Variants in ABCA7 observed in about 807,000 individuals in gnomAD.
The protein encoded by ABCA7 is phospholipid-transporting ATPase ABCA7.
A neutral mutation model predicts 227.6 loss-of-function variants in ABCA7; 261 were observed. That is an observed-to-expected ratio of 1.15 (90% confidence interval 1.04 to 1.27). The LOEUF is 1.27. Among genes scored for constraint, ABCA7 ranks in the 50% most tolerant of loss-of-function variants. ABCA7 has a pLI of 0.00. For synonymous variants in ABCA7, 1,488 were observed against 1,279.7 expected (o/e 1.16, Z -3.47); for missense variants, 3,331 against 2,924.5 (o/e 1.14, Z -3.21).
rs201846665 is a variant in ABCA7, at chr19:1,063,523, T to C, written c.5713-21T>C. 5.7e-5 allele frequency: 91 copies of C among 1,608,304 alleles called. No homozygotes were observed. The East Asian group carries it at 1.6e-3, about 28-fold the overall frequency. On this transcript the variant is annotated intron_variant, in intron 42 of 46. Transcript: ENST00000263094. ...ACTCATCAATATGAGTCCCCATGCC[T>C]ACTCTGGCCCCACCCCACAGACCGC...
intron 7 of ABCA7, 25 bp from the exon 8 acceptor site, chr19:1,043,016 G>T (rs1323027660): frequency 6.3e-7 from 1 of 1,577,532 alleles, no homozygotes; most frequent in Admixed American, 1.7e-5. Context: ...ATCATTGCCA[G>T]CTCCGTCTGG....
rs1466916384 is a variant in ABCA7, at chr19:1,047,580, A to G, written c.2195A>G (p.Gln732Arg). The G allele has an allele frequency of 6.2e-7, 1 of 1,603,322 alleles. No individual in the cohort carries two copies. Among genetic ancestry groups the G allele is most frequent in the African/African-American group, 1.3e-5 (1 of 74,894 alleles). Residue 732 changes from glutamine (Q) to arginine (R), a missense_variant, in exon 16 of 47, where the codon CAG (glutamine) becomes CGG (arginine). Transcript: ENST00000263094. ...RPTADVFSLA[Q>R]VSGLLLLDAA... ...ACGGCAGACGTCTTCAGCCTGGCCC[A>G]GGTCTCTGGCCTTCTGCTGCTGGAC...
intron 18 of ABCA7, among the ~76,000 whole-genome samples, chr19:1,050,577 C>T (rs572133650): frequency 2.2e-4 from 34 of 151,710 alleles, no homozygotes; most frequent in Admixed American, 2.2e-3. Context: ...TGAGATCATC[C>T]TGGCTAACAT....
At chr19:1,048,496 C>CAAAAAAAAAG (rs2040956491) in intron 16 of ABCA7, among the ~76,000 whole-genome samples, 1 of 21,628 alleles carries the variant, frequency 4.6e-5, no homozygotes, top group African/African-American at 1.9e-4. Flanking sequence ...AACTCAGTCT[C>CAAAAAAAAAG]AAAAAAAAAA....
intron 42 of ABCA7, among the ~76,000 whole-genome samples, chr19:1,062,528 A>C (rs1258558401): frequency 6.6e-6 from 1 of 151,578 alleles, no homozygotes; most frequent in Non-Finnish European, 1.5e-5. Context: ...ACCAAGTTCC[A>C]CCATTCTCAT....
At position 1,054,015 on chromosome 19, in the gene ABCA7, G is replaced by T. The variant is rs760346081; in HGVS notation, c.3482G>T (p.Cys1161Phe). Residue 1161 changes from cysteine (C) to phenylalanine (F), a missense_variant, in exon 26 of 47, where the codon TGC becomes TTC. By Grantham distance (205) the Cys-to-Phe change is radical (BLOSUM62 -2). Coordinates refer to ENST00000263094, the MANE Select transcript of ABCA7 (RefSeq NM_019112.4). This position sits in a 1 kb window ranked among gnomAD's most constrained non-coding sequence, Gnocchi z 4.8. ...CCTGATGGCCCTGCAGATGGCAGCT[G>T]CGGGCAGCACCTATGCACAGGCATT... ...AADTDMEDGS[C>F]GQHLCTGIAG... 2.5e-6 allele frequency: 4 copies of T among 1,613,138 alleles called. No individual in the cohort carries two copies. Among genetic ancestry groups the T allele is most frequent in the Non-Finnish European group, 8.5e-7 (1 of 1,179,906 alleles).
Position 1,046,811 on chromosome 19 carries a change from T to A in ABCA7, c.1632T>A (p.Arg544=). ...GCCGTCCCCACCCCAGGTTCCTGCG[T>A]GTGCTGAGCCGGTCGCTGCCGCTCT... is the stretch of plus-strand genomic sequence containing the variant. The part of the protein sequence containing the change: ...YPCYVDDVFL[R]VLSRSLPLFL... Residue 544 remains arginine, a synonymous_variant, in exon 14 of 47, where the codon CGT becomes CGA. Transcript: ENST00000263094. 6.5e-7 allele frequency: 1 copy of A among 1,537,760 alleles called. No homozygotes were observed.
At position 1,051,524 on chromosome 19, in the gene ABCA7, C is replaced by CGGCT; in HGVS notation, c.2904_2907dup (p.Val970TrpfsTer32). On this transcript the variant is annotated frameshift_variant, in exon 21 of 47. Coordinates refer to ENST00000263094, the MANE Select transcript of ABCA7 (RefSeq NM_019112.4). LOFTEE classifies it high-confidence loss of function. ...CAAGTTGTTATCCTGGACGAGCCTA[C>CGGCT]GGCTGGCGTGGATCCTGCTTCCCGC... 1 of 1,612,692 alleles carries CGGCT rather than the reference C, an allele frequency of 6.2e-7. No individual in the cohort carries two copies. The highest frequency in any genetic ancestry group is 1.1e-5 in the South Asian group (1 of 91,084).
chr19:1,047,479 C>T lies in ABCA7; in HGVS notation c.2094C>T (p.Gly698=), dbSNP rs372209007. The part of the protein sequence containing the change: ...AASLLSPVAF[G]FGCESLALLE... ...GCCTGCTGTCGCCCGTGGCCTTCGG[C>T]TTCGGCTGCGAGAGCCTGGCTCTGC... is the stretch of plus-strand genomic sequence containing the variant. The change falls in exon 16 of 47, where the codon GGC becomes GGT. Residue 698 remains glycine, a synonymous_variant. Transcript: ENST00000263094. 3 of 1,564,016 alleles carry T rather than the reference C, an allele frequency of 1.9e-6. No individual in the cohort carries two copies.
In ABCA7 at chr19:1,041,432, C is replaced by A; in HGVS notation, c.66+5C>A. The stretch of plus-strand genomic sequence containing the variant: ...ATGTATCGCCGGAGACAGCCGGTAA[C>A]GCCCCAGTGTGAGACCAGGGCCGGG... On this transcript the variant is annotated splice_donor_5th_base_variant and intron_variant, in intron 2 of 46. Coordinates refer to ENST00000263094, the MANE Select transcript of ABCA7 (RefSeq NM_019112.4). 1 of 1,614,004 alleles carries A rather than the reference C, an allele frequency of 6.2e-7. No homozygotes were observed. Among genetic ancestry groups the A allele is most frequent in the South Asian group, 1.1e-5 (1 of 91,084 alleles).
chr19:1,052,191 A>G lies in ABCA7; in HGVS notation c.3148-23A>G. The stretch of plus-strand genomic sequence containing the variant: ...TCTGTTCAGCCCTGAAGGCCAAGCC[A>G]CTTGGTGCCTCTCTGCCCGCAGGCT... On this transcript the variant is annotated intron_variant, in intron 22 of 46. Transcript: ENST00000263094. 2.5e-6 allele frequency: 4 copies of G among 1,600,220 alleles called. No individual in the cohort carries two copies. The South Asian group carries it at 4.5e-5, about 18-fold the overall frequency.
Position 1,044,582 on chromosome 19 carries a change from C to CCTGCAT in ABCA7, c.1058_1059insTCTGCA (p.Leu352_Gln353insHisLeu). The CCTGCAT allele has an allele frequency of 6.2e-7, 1 of 1,611,320 alleles. No individual in the cohort carries two copies. Among genetic ancestry groups the CCTGCAT allele is most frequent in the Non-Finnish European group, 8.5e-7 (1 of 1,178,888 alleles). On this transcript the variant is annotated inframe_insertion, in exon 11 of 47. Coordinates refer to ENST00000263094, the MANE Select transcript of ABCA7 (RefSeq NM_019112.4). The stretch of plus-strand genomic sequence containing the variant: ...CTTTCACCTGCGCCCCCCAGCGGCT[C>CCTGCAT]CTGCAGATGCAGGATGAAGGAAGAA...
rs1428274744 is a variant in ABCA7, at chr19:1,055,129, C to A, written c.3983C>A (p.Ala1328Asp). ...GCACCAGAAGTTCCTGCTGAAGTGGCCAAGGTCTTGGCCAGTGGCAACTGG... is the reference window on the plus strand; with the variant it reads ...GCACCAGAAGTTCCTGCTGAAGTGGACAAGGTCTTGGCCAGTGGCAACTGG... ...FSAPEVPAEV[A>D]KVLASGNWTP... is the part of the protein sequence containing the mutation. The change falls in exon 30 of 47, where the codon GCC (alanine) becomes GAC (aspartate). Residue 1328 changes from alanine (A) to aspartate (D), a missense_variant. Coordinates refer to ENST00000263094, the MANE Select transcript of ABCA7 (RefSeq NM_019112.4). 1.2e-6 allele frequency: 2 copies of A among 1,612,806 alleles called. No individual in the cohort carries two copies. Among genetic ancestry groups the A allele is most frequent in the Admixed American group, 1.7e-5 (1 of 59,972 alleles).
chr19:1,050,456 G>A (rs1175823031), intron 18 of ABCA7, among the ~76,000 whole-genome samples: 2 of 145,108 alleles, frequency 1.4e-5, no homozygotes, highest in East Asian at 4.8e-4. Context: ...GGCTATCACA[G>A]GGTTTTGGAT....
chr19:1,053,340 C>G lies in ABCA7; in HGVS notation c.3232C>G (p.Leu1078Val). 1 of 1,609,150 alleles carries G rather than the reference C, an allele frequency of 6.2e-7. No homozygotes were observed. Among genetic ancestry groups the G allele is most frequent in the Non-Finnish European group, 8.5e-7 (1 of 1,179,240 alleles). Residue 1078 changes from leucine (L) to valine (V), a missense_variant, in exon 24 of 47, where the codon CTG becomes GTG. Coordinates refer to ENST00000263094, the MANE Select transcript of ABCA7 (RefSeq NM_019112.4). ...SQGSRVGTPQ[L>V]LALVQHWVPG... ...CTTTGTCCACACAGGCACTCCTCAG[C>G]TGCTGGCCCTGGTACAGCACTGGGT... is the stretch of plus-strand genomic sequence containing the variant.
chr19:1,056,068 A>G lies in ABCA7; in HGVS notation c.4241A>G (p.Tyr1414Cys). ...TCCCTGCCTGCATGGCCCCACAGAT[A>G]CGGAGGCTTCTCGCTGGGGGGCCGA... ...KTKKWVNEVRYGGFSLGGRDP... is the reference protein window; with the variant it reads ...KTKKWVNEVRCGGFSLGGRDP... Residue 1414 changes from tyrosine (Y) to cysteine (C), a missense_variant and splice_region_variant, in exon 32 of 47, where the codon TAC (tyrosine) becomes TGC (cysteine). Transcript: ENST00000263094. The surrounding 1 kb of genome is among the most constrained non-coding windows in gnomAD (Gnocchi z 4.3). 3.1e-6 allele frequency: 5 copies of G among 1,590,200 alleles called. No individual in the cohort carries two copies. The highest frequency in any genetic ancestry group is 4.3e-6 in the Non-Finnish European group (5 of 1,166,828).
At chr19:1,064,374 A>G (rs2042894771) in intron 45 of ABCA7, 121 bp downstream of exon 45, 2 of 1,152,836 alleles carry the variant, frequency 1.7e-6, no homozygotes, top group Non-Finnish European at 2.4e-6. Context: ...GAGATGGCCA[A>G]GGCTTTAGAT....
chr19:1,049,074 A>G, intron 17 of ABCA7, 69 bp downstream of exon 17: 1 of 971,500 alleles, frequency 1.0e-6, no homozygotes, highest in Non-Finnish European at 1.5e-6. Context: ...ACGAGATTCC[A>G]CAGATGCCAA....
At chr19:1,064,717 T>TA (rs1477927989) in intron 45 of ABCA7, 2 of 774,274 alleles carry the variant, frequency 2.6e-6, no homozygotes, top group African/African-American at 4.0e-5. Context: ...CCCATCTCTA[T>TA]AAAAAATTTA....
Sources: allele counts gnomAD v4.1 joint callset (sites outside exome capture counted in the v4.1 genomes callset), GRCh38; gene constraint gnomAD v4.1.1; non-coding constraint Gnocchi (gnomAD v3.1); transcripts MANE v1.5; gene names NCBI Gene and HGNC (gene_info 2026-07-23, HGNC 2026-07-21).